Variants in DHRS4L2 observed in about 807,000 individuals in gnomAD.
DHRS4L2 encodes dehydrogenase/reductase 4 like 2, also known as dehydrogenase/reductase SDR family member 4-like 2.
DHRS4L2 carries 22 observed loss-of-function variants against 23.9 expected under a neutral mutation model. That is an observed-to-expected ratio of 0.92 (90% confidence interval 0.66 to 1.31). The LOEUF is 1.31. DHRS4L2 is among the 40% of genes most tolerant of loss of function. DHRS4L2 has a pLI of 0.00. For missense variants in DHRS4L2, 385 were observed against 303.3 expected (o/e 1.27, Z -2.00); for synonymous variants, 141 against 123.7 (o/e 1.14, Z -0.93).
intron 3 of DHRS4L2, among the ~76,000 whole-genome samples, chr14:23,995,408 T>C (rs2034361054): frequency 6.6e-6 from 1 of 151,798 alleles, no homozygotes; most frequent in South Asian, 2.1e-4. Flanking sequence ...CATGCTCTTC[T>C]GCCTTGTTGA....
chr14:23,995,868 T>C (rs1272881919), intron 3 of DHRS4L2, among the ~76,000 whole-genome samples: 3 of 151,822 alleles, frequency 2.0e-5, no homozygotes, highest in Admixed American at 2.0e-4. Context: ...GTTCTGCGTT[T>C]TACACTGATG....
At chr14:23,990,717 C>T (rs949728617) in intron 2 of DHRS4L2, 14 of 980,520 alleles carry the variant, frequency 1.4e-5, no homozygotes, top group East Asian at 8.7e-5. Flanking sequence ...CCCTGGGAAC[C>T]TCAGGAAGCA....
intron 7 of DHRS4L2, 98 bp from the exon 8 acceptor site, chr14:24,005,788 A>G: frequency 1.3e-6 from 2 of 1,552,456 alleles, no homozygotes; most frequent in Admixed American, 2.0e-5. Context: ...AAGTCATCTG[A>G]TAATTCTTGA....
At chr14:23,969,902 G>T (rs780325141) in exon 1 of DHRS4L2, 30 of 432,974 alleles carry the variant, frequency 6.9e-5, no homozygotes, top group South Asian at 3.9e-4. Context: ...CTCCGGGCCG[G>T]CGTGGGAGCC....
At chr14:23,976,775 T>TA (rs1252444957) in intron 1 of DHRS4L2, among the ~76,000 whole-genome samples, 14 of 151,784 alleles carry the variant, frequency 9.2e-5, no homozygotes, top group Non-Finnish European at 1.6e-4. Context: ...TATGCAGCCA[T>TA]AAAAAAGGAT....
rs755895083 is a variant in DHRS4L2, at chr14:23,981,753, CAT to C, written c.-175-8428_-175-8427del. ...AGTGGGGAGAAAGTCAGCAAGAAAA[CAT>C]GTGGCAAAGGAATCTGTGTCACAAA... On this transcript the variant is annotated intron_variant, in intron 1 of 5. Coordinates refer to the DHRS4L2 transcript ENST00000534993. Among the ~76,000 whole-genome samples, 35 of 151,756 alleles carry C rather than the reference CAT, an allele frequency of 2.3e-4. No homozygotes were observed. In the East Asian group the frequency reaches 6.0e-3, roughly 26 times the overall value.
intron 1 of DHRS4L2, among the ~76,000 whole-genome samples, chr14:23,974,122 A>C (rs1657607888): frequency 6.6e-6 from 1 of 151,900 alleles, no homozygotes; most frequent in Non-Finnish European, 1.5e-5. Flanking sequence ...CTACATGGAA[A>C]CTGAACAACC....
chr14:23,972,376 G>A (rs1399771067), intron 1 of DHRS4L2, among the ~76,000 whole-genome samples: 6 of 151,830 alleles, frequency 4.0e-5, no homozygotes, highest in Non-Finnish European at 8.8e-5. Context: ...CCTCCTGTCT[G>A]GAGTTGTTCA....
intron 1 of DHRS4L2, among the ~76,000 whole-genome samples, chr14:23,972,211 C>G (rs528905704): frequency 1.3e-5 from 2 of 152,136 alleles, no homozygotes; most frequent in South Asian, 4.2e-4. Context: ...TTCTTAAAGG[C>G]AGCGTGTCTG....
At chr14:23,977,876 A>C (rs1169604945) in intron 1 of DHRS4L2, among the ~76,000 whole-genome samples, 1 of 151,710 alleles carries the variant, frequency 6.6e-6, no homozygotes, top group Non-Finnish European at 1.5e-5. Context: ...TCCCAAAAAT[A>C]AACACTGCGT....
intron 3 of DHRS4L2, among the ~76,000 whole-genome samples, chr14:23,997,935 A>C (rs1042241350): frequency 1.3e-5 from 2 of 151,840 alleles, no homozygotes; most frequent in African/African-American, 4.8e-5. Flanking sequence ...CATCAGAGGA[A>C]TCACTATCCA....
chr14:23,988,528 A>G (rs2138530160), upstream of DHRS4L2, among the ~76,000 whole-genome samples: 1 of 151,050 alleles, frequency 6.6e-6, no homozygotes, highest in East Asian at 2.0e-4. Context: ...GTGGGCTGTC[A>G]CATACATAGA....
chr14:24,002,157 G>C (rs2034505160), intron 6 of DHRS4L2, among the ~76,000 whole-genome samples: 2 of 86,170 alleles, frequency 2.3e-5, no homozygotes, highest in Non-Finnish European at 1.9e-5. Context: ...ACAGTCCCCA[G>C]AGTGTGATAT....
intron 3 of DHRS4L2, among the ~76,000 whole-genome samples, chr14:23,998,239 C>T (rs61999856): frequency 0.022 from 3,367 of 151,904 alleles, 68 homozygotes; most frequent in Middle Eastern, 0.055. Flanking sequence ...GTTCCATTTA[C>T]AGAGCACAGG....
At chr14:23,990,018 A>G (rs2034232568) in intron 1 of DHRS4L2, among the ~76,000 whole-genome samples, 164 bp from the exon 2 acceptor site, 1 of 151,874 alleles carries the variant, frequency 6.6e-6, no homozygotes, top group African/African-American at 2.4e-5. Context: ...CAGTGCTAAA[A>G]ATGGCCATGC....
rs771245455 is a variant in DHRS4L2, at chr14:23,990,186, G to C, written c.133G>C (p.Gly45Arg). The change falls in exon 2 of 8, where the codon GGC becomes CGC. Residue 45 changes from glycine (G) to arginine (R), a missense_variant. Coordinates refer to ENST00000335125, the MANE Select transcript of DHRS4L2 (RefSeq NM_198083.4). ...ALVTASTDGI[G>R]FAIARRLAQD... The stretch of plus-strand genomic sequence containing the variant: ...TTTGTCTCTTTCTGCTCACAGGATC[G>C]GCTTCGCCATCGCCCGGCGTTTGGC... 3.7e-6 allele frequency: 6 copies of C among 1,612,724 alleles called. No individual in the cohort carries two copies. Among genetic ancestry groups the C allele is most frequent in the African/African-American group, 1.3e-5 (1 of 74,974 alleles).
chr14:23,981,269 G>C (rs1347018981), intron 1 of DHRS4L2, among the ~76,000 whole-genome samples: 1 of 151,482 alleles, frequency 6.6e-6, no homozygotes, highest in East Asian at 1.9e-4. Context: ...CCTCTTCAAG[G>C]AGAACTACAA....
At position 23,990,224 on chromosome 14, in the gene DHRS4L2, C is replaced by T; in HGVS notation, c.171C>T (p.Ala57=). The change falls in exon 2 of 8, where the codon GCC becomes GCT. Residue 57 remains alanine (A), a synonymous_variant. Transcript: ENST00000335125. ...AIARRLAQDR[A]HVVVSSRKQQ... is the part of the protein sequence containing the mutation. ...CCCGGCGTTTGGCCCAGGACAGGGC[C>T]CACGTGGTCGTCAGCAGCCGGAAGC... The T allele has an allele frequency of 1.2e-6, 2 of 1,612,842 alleles. No individual in the cohort carries two copies. The highest frequency in any genetic ancestry group is 1.7e-6 in the Non-Finnish European group (2 of 1,179,380).
chr14:23,988,771 C>T (rs1280818353), upstream of DHRS4L2: 12 of 1,402,136 alleles, frequency 8.6e-6, no homozygotes, highest in Admixed American at 2.0e-4. Context: ...AGGTAGCTGG[C>T]TGCGGGGCGG....
Sources: gnomAD v4.1 joint callset for allele counts (sites outside exome capture counted in the v4.1 genomes callset) on GRCh38, gnomAD v4.1.1 for gene constraint, MANE v1.5 for transcripts, NCBI Gene and HGNC (gene_info 2026-07-23, HGNC 2026-07-21) for gene names.